The following REPS2 variants were observed in gnomAD, a reference collection of about 807,000 sequenced individuals.
The protein encoded by REPS2 is ralBP1-associated Eps domain-containing protein 2.
Under a neutral mutation model 53.6 loss-of-function variants are expected in REPS2, and 23 were observed. The ratio of observed to expected loss-of-function variants is 0.43; its 90% CI spans 0.31 to 0.61. The LOEUF (loss-of-function observed/expected upper bound fraction) is 0.61. Among genes scored for constraint, REPS2 ranks in the 20% least tolerant of loss-of-function variants. The probability of loss-of-function intolerance (pLI) is 0.11; values close to 1 mark genes in which losing one functional copy is unlikely to be tolerated. For missense variants in REPS2, 446 were observed against 534.9 expected (o/e 0.83, Z 1.64); for synonymous variants, 238 against 218.6 (o/e 1.09, Z -0.78).
At chrX:17,135,163 G>T in intron 15 of REPS2, 98 bp from the exon 16 acceptor site, 1 of 893,799 alleles carries the variant, frequency 1.1e-6, no homozygotes, top group South Asian at 2.5e-5. Context: ...TCCTGATCTT[G>T]GGGTTGGGGC....
chrX:17,033,686 C>G (rs955658690), intron 5 of REPS2, among the ~76,000 whole-genome samples: 4 of 112,533 alleles, frequency 3.6e-5, no homozygotes, highest in African/African-American at 1.3e-4. Flanking sequence ...ATTAGCCTCT[C>G]TCTTGTTTCT....
the REPS2 span, among the ~76,000 whole-genome samples, chrX:17,180,644 A>G: frequency 5.4e-5 from 6 of 110,636 alleles, no homozygotes; most frequent in Non-Finnish European, 9.4e-5. Flanking sequence ...ACACACACGC[A>G]CACACACATG....
chrX:16,949,412 T>C (rs2147586708), intron 1 of REPS2, among the ~76,000 whole-genome samples: 1 of 112,275 alleles, frequency 8.9e-6, no homozygotes, highest in East Asian at 2.8e-4. Flanking sequence ...TTATTTTTTA[T>C]TTATTTATTT....
intron 2 of REPS2, among the ~76,000 whole-genome samples, chrX:17,019,696 A>G (rs1458746791): frequency 2.7e-5 from 3 of 111,004 alleles, no homozygotes; most frequent in African/African-American, 9.8e-5. Context: ...GCATGGTGGC[A>G]AGCACCTGGA....
intron 1 of REPS2, among the ~76,000 whole-genome samples, chrX:16,963,047 T>A (rs2060685742): frequency 8.9e-6 from 1 of 111,792 alleles, no homozygotes; most frequent in African/African-American, 3.3e-5. Flanking sequence ...TGCAGTGACC[T>A]GCGATTGCAC....
At chrX:16,970,197 CTT>C (rs764611742) in intron 1 of REPS2, among the ~76,000 whole-genome samples, 7 of 98,997 alleles carry the variant, frequency 7.1e-5, no homozygotes, top group Admixed American at 1.1e-4. Flanking sequence ...TGTTTTCCCA[CTT>C]TTTTTTTTTT....
chrX:17,050,200 T>TTC (rs2061978892), intron 6 of REPS2, among the ~76,000 whole-genome samples: 1 of 76,235 alleles, frequency 1.3e-5, no homozygotes, highest in South Asian at 6.6e-4. Flanking sequence ...CTTTCTTTTT[T>TTC]TTTTTTTTTT....
At chrX:17,134,900 G>A (rs1347593199) in intron 15 of REPS2, among the ~76,000 whole-genome samples, 2 of 111,183 alleles carry the variant, frequency 1.8e-5, no homozygotes, top group Non-Finnish European at 3.8e-5. Flanking sequence ...GGGATTACAG[G>A]CATGAGCCAC....
chrX:16,992,327 C>T (rs1167909616), intron 1 of REPS2, among the ~76,000 whole-genome samples: 1 of 111,613 alleles, frequency 9.0e-6, no homozygotes, highest in African/African-American at 3.3e-5. Flanking sequence ...TGATCTTAGA[C>T]TTCCCAGCCT....
the REPS2 span, among the ~76,000 whole-genome samples, chrX:17,166,791 G>A: frequency 8.9e-6 from 1 of 111,835 alleles, no homozygotes; most frequent in Non-Finnish European, 1.9e-5. Context: ...TCTCATTTAT[G>A]TTATCTTCTT....
intron 13 of REPS2, among the ~76,000 whole-genome samples, chrX:17,084,987 C>G (rs141356741): frequency 0.015 from 1,628 of 111,988 alleles, 13 homozygotes; most frequent in Middle Eastern, 0.074. Context: ...CTCTTTTCTT[C>G]TAAAAGTCTT....
At chrX:16,992,964 TAAAG>T in intron 1 of REPS2, among the ~76,000 whole-genome samples, 1 of 111,898 alleles carries the variant, frequency 8.9e-6, no homozygotes, top group Middle Eastern at 4.6e-3. Flanking sequence ...AACTGAGGCT[TAAAG>T]AAAGAGAGGC....
At chrX:17,065,017 G>C (rs891301159) in intron 9 of REPS2, among the ~76,000 whole-genome samples, 2 of 112,201 alleles carry the variant, frequency 1.8e-5, no homozygotes, top group Non-Finnish European at 3.8e-5. Context: ...CATTTTGTTT[G>C]TCCATTCATC....
chrX:16,968,865 C>T (rs1184442547), intron 1 of REPS2, among the ~76,000 whole-genome samples: 4 of 108,464 alleles, frequency 3.7e-5, no homozygotes, highest in Admixed American at 9.5e-5. Context: ...GGCTGCTGGG[C>T]GGAGACGTTC....
At chrX:17,155,510 A>G (rs186777424), downstream of REPS2, among the ~76,000 whole-genome samples, 2 of 111,801 alleles carry the variant, frequency 1.8e-5, no homozygotes, top group African/African-American at 6.5e-5. Flanking sequence ...GCAGAGAAGG[A>G]CGCAAAGGTA....
At chrX:17,068,534 T>TAGAAGCCACCA in intron 10 of REPS2, 63 bp downstream of exon 10, 3 of 922,166 alleles carry the variant, frequency 3.3e-6, no homozygotes, top group African/African-American at 1.9e-5. Flanking sequence ...TCTACTCCTC[T>TAGAAGCCACCA]TGGAATGGTG....
At chrX:17,163,971 A>G in the REPS2 span, among the ~76,000 whole-genome samples, 17 of 112,489 alleles carry the variant, frequency 1.5e-4, no homozygotes, top group Admixed American at 5.6e-4. Flanking sequence ...AGACAACTAC[A>G]TAAATCAATA....
the REPS2 span, among the ~76,000 whole-genome samples, chrX:17,181,473 C>G: frequency 8.9e-6 from 1 of 111,925 alleles, no homozygotes; most frequent in Non-Finnish European, 1.9e-5. Flanking sequence ...TGTGACCAAG[C>G]CTGGGCTAGC....
intron 14 of REPS2, among the ~76,000 whole-genome samples, chrX:17,113,256 C>T (rs753517512): frequency 1.6e-4 from 17 of 105,304 alleles, no homozygotes; most frequent in African/African-American, 4.5e-4. Context: ...CAAAGATCAA[C>T]GAAATTGACA....
Sources: gnomAD v4.1 joint callset for allele counts (sites outside exome capture counted in the v4.1 genomes callset) on GRCh38, gnomAD v4.1.1 for gene constraint, MANE v1.5 for transcripts, NCBI Gene and HGNC (gene_info 2026-07-23, HGNC 2026-07-21) for gene names.